PDE4D: variants seen among roughly 807,000 people sequenced by gnomAD.
The protein encoded by PDE4D is phosphodiesterase 4D, also known as 3',5'-cyclic-AMP phosphodiesterase 4D.
In PDE4D, 24 loss-of-function variants were observed where a neutral mutation model predicts 87.4. The observed-to-expected ratio is 0.27, with a 90% CI of 0.20 to 0.39. The LOEUF is 0.39. PDE4D is among the 10% of genes least tolerant of loss of function. The pLI, the probability that PDE4D is intolerant of heterozygous loss-of-function variation, is 1.00. For synonymous variants in PDE4D, 384 were observed against 383.2 expected (o/e 1.00, Z -0.02); for missense variants, 714 against 1,041.0 (o/e 0.69, Z 4.32).
chr5:60,186,789 A>G (rs1013969583), intron 1 of PDE4D, among the ~76,000 whole-genome samples: 1 of 152,198 alleles, frequency 6.6e-6, no homozygotes, highest in Non-Finnish European at 1.5e-5. Context: ...ATTAAAGTAC[A>G]AAGTAGTATG....
At chr5:60,203,197 C>G (rs1273330301) in intron 1 of PDE4D, among the ~76,000 whole-genome samples, 1 of 152,156 alleles carries the variant, frequency 6.6e-6, no homozygotes, top group African/African-American at 2.4e-5. Flanking sequence ...TCTCGAACTC[C>G]TGATCTCAGG....
intron 1 of PDE4D, among the ~76,000 whole-genome samples, chr5:59,590,326 G>A (rs903362303): frequency 2.6e-5 from 4 of 152,126 alleles, no homozygotes; most frequent in African/African-American, 9.7e-5. Context: ...TGTTGGGTTA[G>A]GGTAATGCTA....
At chr5:59,275,657 G>C (rs1283089615) in intron 1 of PDE4D, 2 of 1,186,106 alleles carry the variant, frequency 1.7e-6, no homozygotes, top group African/African-American at 3.1e-5. Context: ...TTTCTTCTGT[G>C]TCTTGCAATG....
chr5:60,387,372 T>C (rs1189452283), intron 1 of PDE4D, among the ~76,000 whole-genome samples: 1 of 152,236 alleles, frequency 6.6e-6, no homozygotes, highest in Non-Finnish European at 1.5e-5. Context: ...TTCTTTTCTA[T>C]TTTGTGAGAC....
chr5:60,190,234 T>G (rs1442067773), intron 1 of PDE4D, among the ~76,000 whole-genome samples: 1 of 152,186 alleles, frequency 6.6e-6, no homozygotes, highest in African/African-American at 2.4e-5. Flanking sequence ...GAATAACAGA[T>G]TTTTCATGGG....
At chr5:59,806,432 G>A (rs1279993170) in intron 1 of PDE4D, among the ~76,000 whole-genome samples, 5 of 152,170 alleles carry the variant, frequency 3.3e-5, no homozygotes, top group African/African-American at 4.8e-5. Flanking sequence ...GGAGCAGCCT[G>A]CCAAAAACAA....
chr5:59,178,801 G>A (rs1230534470), intron 5 of PDE4D, among the ~76,000 whole-genome samples: 1 of 152,188 alleles, frequency 6.6e-6, no homozygotes, highest in Non-Finnish European at 1.5e-5. Flanking sequence ...AAATAGCAAT[G>A]TCAGTTCTTG....
In PDE4D at chr5:59,375,566, A is replaced by C. The variant is rs552663043; in HGVS notation, c.456-159598T>G. Among the ~76,000 whole-genome samples, 6 of 152,252 alleles carry C rather than the reference A, an allele frequency of 3.9e-5. No individual in the cohort carries two copies. The South Asian group carries it at 6.2e-4, about 16-fold the overall frequency. On this transcript the variant is annotated intron_variant, in intron 1 of 14. Transcript: ENST00000340635. ...AATAAATAGCCTACCAACCAAAAAAACCCCAGGACCAGACTGATTCACAGC... is the reference window on the plus strand; with the variant it reads ...AATAAATAGCCTACCAACCAAAAAACCCCCAGGACCAGACTGATTCACAGC...
chr5:59,336,060 C>T (rs535587571), intron 1 of PDE4D, among the ~76,000 whole-genome samples: 8 of 152,078 alleles, frequency 5.3e-5, no homozygotes, highest in South Asian at 4.2e-4. Flanking sequence ...AGCAGCAAAA[C>T]GGTTAAGGCA....
At chr5:60,467,697 C>T (rs142463929) in intron 1 of PDE4D, among the ~76,000 whole-genome samples, 18 of 152,174 alleles carry the variant, frequency 1.2e-4, no homozygotes, top group East Asian at 7.7e-4. Context: ...AAAAGAGGTC[C>T]GATTAACTCC....
intron 1 of PDE4D, among the ~76,000 whole-genome samples, chr5:60,309,535 T>C (rs941008523): frequency 1.3e-5 from 2 of 152,214 alleles, no homozygotes; most frequent in Non-Finnish European, 2.9e-5. Flanking sequence ...TCCCTTCTTC[T>C]AGGAATTCAG....
chr5:59,054,409 T>C (rs905991813), intron 5 of PDE4D, among the ~76,000 whole-genome samples: 4 of 152,202 alleles, frequency 2.6e-5, no homozygotes, highest in African/African-American at 7.2e-5. Flanking sequence ...ATGTGGATGC[T>C]GGCTTTCAGT....
At chr5:59,638,127 C>T (rs1254655337) in intron 1 of PDE4D, among the ~76,000 whole-genome samples, 1 of 151,628 alleles carries the variant, frequency 6.6e-6, no homozygotes, top group South Asian at 2.1e-4. Context: ...TAGGAAATGA[C>T]AAAGAAAGTA....
At chr5:59,899,483 A>AATAT (rs35237122) in intron 3 of PDE4D, among the ~76,000 whole-genome samples, 13 of 150,468 alleles carry the variant, frequency 8.6e-5, no homozygotes, top group Non-Finnish European at 1.5e-4. Context: ...TTAAGTGGTA[A>AATAT]ATATATATAT....
intron 5 of PDE4D, among the ~76,000 whole-genome samples, chr5:59,169,073 C>T (rs1055866431): frequency 2.6e-5 from 4 of 151,556 alleles, no homozygotes; most frequent in African/African-American, 9.7e-5. Context: ...TTGAGAGAGG[C>T]TTTTTGATAT....
At chr5:59,928,832 A>C (rs1755568926) in intron 3 of PDE4D, among the ~76,000 whole-genome samples, 1 of 150,358 alleles carries the variant, frequency 6.7e-6, no homozygotes, top group Admixed American at 6.6e-5. Flanking sequence ...TCTATATATT[A>C]GAAATTTCTA....
chr5:59,717,840 A>C (rs1235241682), intron 1 of PDE4D, among the ~76,000 whole-genome samples: 1 of 152,240 alleles, frequency 6.6e-6, no homozygotes, highest in Admixed American at 6.5e-5. Context: ...GTACTCATTC[A>C]GTCCTCCAAC....
At chr5:59,829,414 C>A (rs974232615) in intron 1 of PDE4D, among the ~76,000 whole-genome samples, 5 of 151,660 alleles carry the variant, frequency 3.3e-5, no homozygotes, top group African/African-American at 9.7e-5. Flanking sequence ...GAATTACTTC[C>A]TTACTCTCTT....
At chr5:59,653,497 G>A (rs75353103) in intron 1 of PDE4D, among the ~76,000 whole-genome samples, 331 of 152,240 alleles carry the variant, frequency 2.2e-3, no homozygotes, top group African/African-American at 7.3e-3. Flanking sequence ...TGAATCCACC[G>A]TAGTGAAAGT....
Sources: allele counts gnomAD v4.1 joint callset (sites outside exome capture counted in the v4.1 genomes callset), GRCh38; gene constraint gnomAD v4.1.1; transcripts MANE v1.5; gene names NCBI Gene and HGNC (gene_info 2026-07-23, HGNC 2026-07-21).